Variants in ATP9B observed in about 807,000 individuals in gnomAD.
ATP9B encodes ATPase phospholipid transporting 9B, also known as probable phospholipid-transporting ATPase IIB.
Under a neutral mutation model 146.1 loss-of-function variants are expected in ATP9B, and 110 were observed. That is an observed-to-expected ratio of 0.75 (90% CI 0.65 to 0.88). The LOEUF (loss-of-function observed/expected upper bound fraction) is 0.88, where lower values mean the gene tolerates loss of function less well. Ranked by LOEUF, ATP9B falls within the 40% of genes least tolerant of loss-of-function variation. The pLI, the probability that ATP9B is intolerant of heterozygous loss-of-function variation, is 0.00. For missense variants in ATP9B, 1,499 were observed against 1,496.4 expected, an observed-to-expected ratio of 1.00 and a Z score of -0.03; for synonymous variants, 604 against 569.7, an observed-to-expected ratio of 1.06 and a Z score of -0.86.
chr18:79,121,953 G>C (rs563620143), intron 4 of ATP9B, among the ~76,000 whole-genome samples: 1 of 152,076 alleles, frequency 6.6e-6, no homozygotes, highest in Admixed American at 6.6e-5. Context: ...CATTTTTGTG[G>C]CTTATGATTA....
intron 12 of ATP9B, among the ~76,000 whole-genome samples, chr18:79,273,505 T>A (rs1356714218): frequency 6.6e-6 from 1 of 152,244 alleles, no homozygotes; most frequent in Non-Finnish European, 1.5e-5. Flanking sequence ...ATTAAATGAC[T>A]TCTGTTTCGT....
intron 6 of ATP9B, 142 bp from the exon 7 acceptor site, chr18:79,154,362 A>G (rs1363756154): frequency 1.6e-6 from 1 of 608,388 alleles, no homozygotes; most frequent in Non-Finnish European, 2.8e-6. Context: ...AATTTTTTAT[A>G]TACAAATTGT....
intron 12 of ATP9B, among the ~76,000 whole-genome samples, chr18:79,265,513 C>G (rs939522027): frequency 2.6e-5 from 4 of 152,044 alleles, no homozygotes; most frequent in African/African-American, 9.7e-5. Flanking sequence ...GTCTTTTTGT[C>G]CTTTGCCTAC....
At chr18:79,348,546 G>C (rs981527058) in intron 25 of ATP9B, among the ~76,000 whole-genome samples, 11 of 152,268 alleles carry the variant, frequency 7.2e-5, no homozygotes, top group Admixed American at 2.6e-4. Context: ...GCCCTCCCCT[G>C]GCTGGGGCTT....
chr18:79,354,104 G>A (rs764829544), intron 25 of ATP9B: 2 of 152,170 alleles, frequency 1.3e-5, no homozygotes, highest in Non-Finnish European at 2.9e-5. Context: ...TTTAGTGACC[G>A]TGGAATCTCA....
intron 5 of ATP9B, among the ~76,000 whole-genome samples, chr18:79,138,619 A>G (rs2094474954): frequency 6.6e-6 from 1 of 152,194 alleles, no homozygotes; most frequent in Non-Finnish European, 1.5e-5. Context: ...ATATTCATTT[A>G]GTTTACTTGT....
At position 79,375,910 on chromosome 18, in the gene ATP9B, C is replaced by T. The variant is rs146420234; in HGVS notation, c.3307+484C>T. On this transcript the variant is annotated intron_variant, in intron 29 of 29. Transcript: ENST00000426216. ...AAGGGATTTCCACTATATGTAGATT[C>T]GAAGTATGTAAATCTCCAGTTTCTC... The T allele has an allele frequency of 1.3e-4, 128 of 985,318 alleles. No individual in the cohort carries two copies. The African/African-American group carries it at 1.6e-3, about 12-fold the overall frequency. 61.0% of individuals were successfully genotyped at this position (985,318 alleles called of 1,614,324 possible).
intron 15 of ATP9B, among the ~76,000 whole-genome samples, chr18:79,326,084 G>A (rs1469098437): frequency 9.6e-5 from 6 of 62,290 alleles, no homozygotes; most frequent in South Asian, 8.8e-4. Context: ...TGTCACCTCT[G>A]TACCCTCCCT....
At chr18:79,226,607 C>T (rs1002486702) in intron 11 of ATP9B, among the ~76,000 whole-genome samples, 13 of 152,308 alleles carry the variant, frequency 8.5e-5, no homozygotes, top group African/African-American at 2.6e-4. Context: ...ACGAGACTTC[C>T]CACGCCCTGG....
Position 79,196,812 on chromosome 18 carries a change from A to T in ATP9B, c.954+3549A>T, listed in dbSNP as rs543935312. 2.0e-5 allele frequency among the ~76,000 whole-genome samples: 3 copies of T among 152,360 alleles called. No homozygotes were observed. In the South Asian group the frequency reaches 6.2e-4, roughly 32 times the overall value. On this transcript the variant is annotated intron_variant, in intron 9 of 29. Coordinates refer to ENST00000426216, the MANE Select transcript of ATP9B (RefSeq NM_198531.5). Reference sequence around the variant, plus strand: ...ACAGGAGTTGCAGTCTTGGTACTTAACAAGAATACCAGTATAGAATCGAGA... The same window carrying T: ...ACAGGAGTTGCAGTCTTGGTACTTATCAAGAATACCAGTATAGAATCGAGA...
chr18:79,075,861 C>T (rs1047311015), intron 1 of ATP9B, among the ~76,000 whole-genome samples: 6 of 152,112 alleles, frequency 3.9e-5, no homozygotes, highest in East Asian at 1.9e-4. Context: ...TCCTGCCTTA[C>T]GGATTATGCT....
At chr18:79,343,357 C>A (rs545968404) in intron 20 of ATP9B, among the ~76,000 whole-genome samples, 1 of 152,198 alleles carries the variant, frequency 6.6e-6, no homozygotes, top group African/African-American at 2.4e-5. Context: ...TATTTCAGTC[C>A]TATTAATAGG....
chr18:79,327,937 G>A (rs868196604), intron 15 of ATP9B, among the ~76,000 whole-genome samples: 2 of 99,710 alleles, frequency 2.0e-5, no homozygotes, highest in Admixed American at 1.1e-4. Context: ...TCTGGTTAGC[G>A]TGCTCTCCGT....
chr18:79,312,328 C>T (rs1222281700), intron 15 of ATP9B, among the ~76,000 whole-genome samples: 4 of 152,192 alleles, frequency 2.6e-5, no homozygotes, highest in Admixed American at 6.5e-5. Flanking sequence ...GTAGTCACTC[C>T]GTTACTTTTA....
In ATP9B at chr18:79,307,132, G is replaced by A. The variant is rs767837258; in HGVS notation, c.1671G>A (p.Val557=). The stretch of plus-strand genomic sequence containing the variant: ...TGCTGTGTCACAACGTGACCCCCGT[G>A]TATGAGTCTCGGGCCGGCGTTACTG... ...AIVLCHNVTP[V]YESRAGVTEE... The change falls in exon 15 of 30, where the codon GTG becomes GTA. Residue 557 remains valine, a synonymous_variant. Coordinates refer to ENST00000426216, the MANE Select transcript of ATP9B (RefSeq NM_198531.5). 9 of 1,614,110 alleles carry A rather than the reference G, an allele frequency of 5.6e-6. No individual in the cohort carries two copies. The highest frequency in any genetic ancestry group is 7.6e-6 in the Non-Finnish European group (9 of 1,180,058).
rs145172361 is a variant in ATP9B at position 79,367,553 on chromosome 18, A to G, written c.3013-5272A>G. 9.6e-4 allele frequency among the ~76,000 whole-genome samples: 131 copies of G among 136,884 alleles called. No individual in the cohort carries two copies. The Middle Eastern group carries it at 0.017, about 18-fold the overall frequency. The allele number at this position is 136,884 out of a possible 152,430, so 89.8% of individuals were successfully genotyped here. A position where few individuals can be genotyped will look rare whatever the true frequency, so the allele number is the denominator to read the frequency against. On this transcript the variant is annotated intron_variant, in intron 26 of 29. Transcript: ENST00000426216. ...GCACACAGATATCTTCACCTCCACC[A>G]TGTGTACGCAGAGAAAGCGCCTCCT...
chr18:79,167,370 TC>T (rs1235261090), intron 7 of ATP9B, among the ~76,000 whole-genome samples: 2 of 152,040 alleles, frequency 1.3e-5, no homozygotes, highest in African/African-American at 4.8e-5. Flanking sequence ...AGTGGGTAGC[TC>T]CTCTCCACAG....
chr18:79,301,111 C>T (rs2096587633), intron 13 of ATP9B, among the ~76,000 whole-genome samples: 1 of 152,202 alleles, frequency 6.6e-6, no homozygotes, highest in Non-Finnish European at 1.5e-5. Context: ...GGTACTTACC[C>T]TAATATGAAT....
chr18:79,234,259 C>G (rs1164366085), intron 11 of ATP9B, among the ~76,000 whole-genome samples: 2 of 152,124 alleles, frequency 1.3e-5, no homozygotes, highest in Non-Finnish European at 2.9e-5. Context: ...GTTTTTTTAA[C>G]TTTATGAAAG....
Sources: allele counts gnomAD v4.1 joint callset (sites outside exome capture counted in the v4.1 genomes callset), GRCh38; gene constraint gnomAD v4.1.1; transcripts MANE v1.5; gene names NCBI Gene and HGNC (gene_info 2026-07-23, HGNC 2026-07-21).